The following STK32B variants were observed in gnomAD, a reference collection of about 807,000 sequenced individuals.
STK32B encodes serine/threonine kinase 32B.
STK32B carries 43 observed loss-of-function variants against 52.6 expected under a neutral mutation model. That is an observed-to-expected ratio of 0.82 (90% CI 0.64 to 1.05). The LOEUF (loss-of-function observed/expected upper bound fraction) is 1.05. Ranked by LOEUF, STK32B falls within the 50% of genes least tolerant of loss-of-function variation. STK32B has a pLI of 0.00. For synonymous variants in STK32B, 238 were observed against 204.3 expected (o/e 1.17, Z -1.41); for missense variants, 621 against 534.6 (o/e 1.16, Z -1.59).
intron 2 of STK32B, among the ~76,000 whole-genome samples, chr4:5,142,452 T>G (rs1433971595): frequency 1.3e-5 from 2 of 152,246 alleles, no homozygotes; most frequent in African/African-American, 4.8e-5. Flanking sequence ...CAATCCAGAC[T>G]TCACTGTAGG....
intron 3 of STK32B, among the ~76,000 whole-genome samples, chr4:5,249,497 T>C (rs9996824): frequency 0.043 from 4,941 of 115,456 alleles, 136 homozygotes; most frequent in African/African-American, 0.093. Flanking sequence ...CTTCCTTCCT[T>C]CCTTCCTCCC....
At chr4:5,495,390 C>T (rs915384482) in intron 11 of STK32B, among the ~76,000 whole-genome samples, 1 of 152,202 alleles carries the variant, frequency 6.6e-6, no homozygotes, top group Non-Finnish European at 1.5e-5. Context: ...CTTCTGCATT[C>T]TTCATGTAGT....
intron 1 of STK32B, among the ~76,000 whole-genome samples, chr4:5,132,530 A>G (rs74829701): frequency 0.12 from 18,192 of 152,182 alleles, 1,359 homozygotes; most frequent in Admixed American, 0.24. Context: ...AAGATGTGAC[A>G]ACCAAAGCAG....
intron 6 of STK32B, among the ~76,000 whole-genome samples, chr4:5,445,998 G>T (rs940470751): frequency 2.4e-4 from 37 of 152,260 alleles, no homozygotes; most frequent in African/African-American, 7.9e-4. Context: ...AACCCCCTGG[G>T]GGTTCTGTTC....
intron 3 of STK32B, among the ~76,000 whole-genome samples, chr4:5,248,093 G>T (rs1415619503): frequency 6.6e-6 from 1 of 152,170 alleles, no homozygotes; most frequent in Non-Finnish European, 1.5e-5. Context: ...CAGTAACATA[G>T]TGGGTGTTTT....
At chr4:5,062,730 G>A (rs922316930) in intron 1 of STK32B, among the ~76,000 whole-genome samples, 3 of 151,904 alleles carry the variant, frequency 2.0e-5, no homozygotes, top group Admixed American at 1.3e-4. Flanking sequence ...GGATGGTCTC[G>A]ATCTCCTGAC....
chr4:5,444,892 T>G (rs553746590), intron 6 of STK32B, among the ~76,000 whole-genome samples: 4 of 152,202 alleles, frequency 2.6e-5, no homozygotes, highest in Non-Finnish European at 5.9e-5. Context: ...GGGCACAATG[T>G]CAGTTCCTTT....
intron 3 of STK32B, among the ~76,000 whole-genome samples, chr4:5,286,156 C>T (rs1728526649): frequency 1.3e-5 from 2 of 152,124 alleles, no homozygotes; most frequent in African/African-American, 2.4e-5. Context: ...GTTTAAGCCA[C>T]CTGGCTGTGG....
chr4:5,340,358 C>T (rs1210721683), intron 4 of STK32B, among the ~76,000 whole-genome samples: 2 of 152,098 alleles, frequency 1.3e-5, no homozygotes, highest in African/African-American at 2.4e-5. Context: ...CTGCCACAGT[C>T]GGTCTGTGAT....
the STK32B span, among the ~76,000 whole-genome samples, chr4:5,036,072 G>A: frequency 2.2e-4 from 33 of 152,154 alleles, 1 homozygote; most frequent in South Asian, 6.6e-3. Context: ...GTGAGCCATC[G>A]TGCCTGGCTA....
Position 5,219,436 on chromosome 4 carries a change from G to C in STK32B, c.260+50986G>C, listed in dbSNP as rs369198717. On this transcript the variant is annotated intron_variant, in intron 3 of 11. Transcript: ENST00000282908. ...AGAAAAAGAGAAGAGCCTTGAGGAA[G>C]GTCAAGCTTTCCTTGTTGTGTTTTG... is the stretch of plus-strand genomic sequence containing the variant. Among the ~76,000 whole-genome samples, 143 of 152,368 alleles carry C rather than the reference G, an allele frequency of 9.4e-4. 1 individual carries two copies. Among genetic ancestry groups the C allele is most frequent in the African/African-American group, 3.1e-3 (130 of 41,590 alleles).
chr4:5,281,545 C>T (rs1728199139), intron 3 of STK32B, among the ~76,000 whole-genome samples: 1 of 152,080 alleles, frequency 6.6e-6, no homozygotes, highest in Admixed American at 6.5e-5. Context: ...CACCACGGCA[C>T]ATGTATATCT....
intron 2 of STK32B, among the ~76,000 whole-genome samples, chr4:5,153,036 A>G (rs368753293): frequency 1.2e-3 from 187 of 152,346 alleles, no homozygotes; most frequent in African/African-American, 4.3e-3. Context: ...TTTACAAATG[A>G]TGAATCCGCG....
At chr4:5,434,303 C>T (rs897293846) in intron 6 of STK32B, among the ~76,000 whole-genome samples, 6 of 152,060 alleles carry the variant, frequency 3.9e-5, no homozygotes, top group East Asian at 1.9e-4. Flanking sequence ...CTTCTTTTAT[C>T]TACTAATTCA....
chr4:5,429,985 T>C (rs1713432535), intron 6 of STK32B, among the ~76,000 whole-genome samples: 1 of 152,160 alleles, frequency 6.6e-6, no homozygotes, highest in Non-Finnish European at 1.5e-5. Context: ...AACATGCTTT[T>C]TTCCTTCAGC....
chr4:5,168,498 C>A, intron 3 of STK32B, 48 bp downstream of exon 3: 1 of 1,557,894 alleles, frequency 6.4e-7, no homozygotes. Flanking sequence ...CTGTGGGGAG[C>A]CAAATGCAAA....
intron 1 of STK32B, among the ~76,000 whole-genome samples, chr4:5,113,767 C>T (rs1714538146): frequency 6.6e-6 from 1 of 152,074 alleles, no homozygotes. Context: ...AAAGATATAC[C>T]CAAGACTGGG....
At chr4:5,073,731 A>G (rs1251213218) in intron 1 of STK32B, among the ~76,000 whole-genome samples, 1 of 152,054 alleles carries the variant, frequency 6.6e-6, no homozygotes, top group African/African-American at 2.4e-5. Flanking sequence ...TTTTTGAAGA[A>G]TATTTTCACC....
rs185810671 is a variant in STK32B, at chr4:5,426,398, G to A, written c.562+9464G>A. On this transcript the variant is annotated intron_variant, in intron 6 of 11. Transcript: ENST00000282908. ...TGTGGAATATATGTTCAAATCATTT[G>A]CCTGTTAATTTATTGGATTATTTTG... 2.5e-3 allele frequency among the ~76,000 whole-genome samples: 376 copies of A among 152,154 alleles called. 6 individuals are homozygous for A. Among genetic ancestry groups the A allele is most frequent in the Non-Finnish European group, 5.7e-4 (39 of 68,024 alleles).
Sources: allele counts gnomAD v4.1 joint callset (sites outside exome capture counted in the v4.1 genomes callset), GRCh38; gene constraint gnomAD v4.1.1; transcripts MANE v1.5; gene names NCBI Gene and HGNC (gene_info 2026-07-23, HGNC 2026-07-21).